The following GPSM2 variants were observed in gnomAD, a reference collection of about 807,000 sequenced individuals.
GPSM2 encodes the protein G protein signaling modulator 2.
In GPSM2, 58 loss-of-function variants were observed where a neutral mutation model predicts 78.4. That is an observed-to-expected ratio of 0.74 (90% confidence interval 0.60 to 0.92). The LOEUF (loss-of-function observed/expected upper bound fraction) is 0.92, where lower values mean the gene tolerates loss of function less well. GPSM2 is among the 40% of genes least tolerant of loss of function. GPSM2 has a pLI of 0.00. For missense variants in GPSM2, 700 were observed against 815.5 expected (o/e 0.86, Z 1.73); for synonymous variants, 224 against 280.2 (o/e 0.80, Z 2.00).
chr1:108,881,227 T>G (rs1327941397), intron 1 of GPSM2, among the ~76,000 whole-genome samples: 4 of 152,208 alleles, frequency 2.6e-5, no homozygotes, highest in Admixed American at 2.6e-4. Flanking sequence ...ATTTTGTTAA[T>G]TTTGAGGTTT....
chr1:108,897,494 C>T lies in GPSM2; in HGVS notation c.281C>T (p.Thr94Ile), dbSNP rs1420697016. The change falls in exon 4 of 15, where the codon ACT (threonine) becomes ATT (isoleucine). Residue 94 changes from threonine (T) to isoleucine (I), a missense_variant and splice_region_variant. By Grantham distance (89) the Thr-to-Ile change is moderately conservative. Transcript: ENST00000264126. Reference protein sequence around the residue: ...YHHHDLTLARTIGDQLGEAKA... With the variant: ...YHHHDLTLARIIGDQLGEAKA... ...TTTTTGTTTTTTGTTTTTTTCAGGA[C>T]TATTGGAGACCAGCTGGGGGAAGCG... 6.2e-7 allele frequency: 1 copy of T among 1,610,628 alleles called. No individual in the cohort carries two copies. Among genetic ancestry groups the T allele is most frequent in the East Asian group, 2.2e-5 (1 of 44,798 alleles).
rs1312323247 is a variant in GPSM2, at chr1:108,934,416, A to C, written c.*4476A>C. 6.5e-6 allele frequency: 3 copies of C among 461,572 alleles called. No homozygotes were observed. The highest frequency in any genetic ancestry group is 1.1e-5 in the Non-Finnish European group (3 of 262,832). 28.6% of individuals were successfully genotyped at this position (461,572 alleles called of 1,614,324 possible). On this transcript the variant is annotated 3_prime_UTR_variant, in exon 15 of 15. Coordinates refer to ENST00000264126, the MANE Select transcript of GPSM2 (RefSeq NM_013296.5). ...AATCAGTGATGCCTGTCATCTGTTC[A>C]TCTTAAAATAAACACTTCTTACTTT...
chr1:108,911,825 A>G (rs1311938026), intron 10 of GPSM2, among the ~76,000 whole-genome samples: 59 of 85,908 alleles, frequency 6.9e-4, no homozygotes, highest in African/African-American at 4.3e-3. Context: ...TTTTTTTTTA[A>G]AGACAGGCTC....
At chr1:108,921,586 A>G (rs1273742225) in intron 12 of GPSM2, among the ~76,000 whole-genome samples, 1 of 152,220 alleles carries the variant, frequency 6.6e-6, no homozygotes, top group Non-Finnish European at 1.5e-5. Flanking sequence ...GATAAAGTCT[A>G]CATTTGTTAG....
At chr1:108,920,015 A>T (rs1557877275) in intron 12 of GPSM2, among the ~76,000 whole-genome samples, 3 of 151,954 alleles carry the variant, frequency 2.0e-5, no homozygotes, top group Non-Finnish European at 2.9e-5. Flanking sequence ...AAAATACAAA[A>T]AATAACCTGG....
At chr1:108,918,497 CCT>C (rs1650449219) in intron 11 of GPSM2, 114 bp from the exon 12 acceptor site, 5 of 755,152 alleles carry the variant, frequency 6.6e-6, no homozygotes, top group Non-Finnish European at 1.1e-5. Flanking sequence ...TAAAATTCTT[CCT>C]CTCTCCCCCA....
intron 2 of GPSM2, among the ~76,000 whole-genome samples, chr1:108,894,959 T>C (rs1262537343): frequency 6.6e-6 from 1 of 152,186 alleles, no homozygotes; most frequent in African/African-American, 2.4e-5. Flanking sequence ...CTTGAAATTT[T>C]GCAGACTGAA....
chr1:108,906,877 C>T (rs1229449594), intron 10 of GPSM2, among the ~76,000 whole-genome samples: 3 of 152,184 alleles, frequency 2.0e-5, no homozygotes, highest in East Asian at 3.9e-4. Flanking sequence ...TAGGCACGAC[C>T]TCCTAGGCTG....
At chr1:108,891,946 C>G (rs954373776) in intron 2 of GPSM2, among the ~76,000 whole-genome samples, 3 of 152,114 alleles carry the variant, frequency 2.0e-5, no homozygotes, top group African/African-American at 7.2e-5. Flanking sequence ...AAATGTAAAT[C>G]AATTGAGCAC....
chr1:108,881,371 C>T (rs2101301020), intron 1 of GPSM2, among the ~76,000 whole-genome samples: 1 of 152,286 alleles, frequency 6.6e-6, no homozygotes, highest in South Asian at 2.1e-4. Flanking sequence ...AAATTATTTT[C>T]CAGTTCTTCG....
At position 108,926,899 on chromosome 1, in the gene GPSM2, G is replaced by A. The variant is rs1485361700; in HGVS notation, c.1815+2685G>A. The A allele has an allele frequency of 4.6e-5, 7 of 152,138 alleles. No homozygotes were observed. The East Asian group carries it at 1.4e-3, about 29-fold the overall frequency. 9.4% of individuals were successfully genotyped at this position (152,138 alleles called of 1,614,324 possible). On this transcript the variant is annotated intron_variant, in intron 14 of 14. Transcript: ENST00000264126. ...GCAATTAGGCAAAAAAAGAAAAAAA[G>A]GCATTCACATTGGAAAGGACAAAGT...
intron 10 of GPSM2, among the ~76,000 whole-genome samples, chr1:108,913,835 C>T (rs1050281364): frequency 2.0e-5 from 3 of 151,986 alleles, no homozygotes; most frequent in East Asian, 1.9e-4. Flanking sequence ...TTTAAGGACT[C>T]GTTTACTTGT....
chr1:108,914,496 G>C (rs1329004298), intron 11 of GPSM2, 88 bp downstream of exon 11: 2 of 998,222 alleles, frequency 2.0e-6, no homozygotes, highest in Non-Finnish European at 3.1e-6. Flanking sequence ...TTTAAATAAG[G>C]CTTGCCCTAT....
intron 10 of GPSM2, among the ~76,000 whole-genome samples, chr1:108,913,245 T>C (rs1649905275): frequency 6.6e-6 from 1 of 152,210 alleles, no homozygotes; most frequent in African/African-American, 2.4e-5. Flanking sequence ...TGCTTGTTCA[T>C]GTACACTGAG....
At chr1:108,908,195 C>T (rs1649398228) in intron 10 of GPSM2, among the ~76,000 whole-genome samples, 1 of 151,440 alleles carries the variant, frequency 6.6e-6, no homozygotes, top group Admixed American at 6.6e-5. Context: ...CGTGGTGAAA[C>T]CCCGTCTCCA....
intron 3 of GPSM2, 26 bp from the exon 4 acceptor site, chr1:108,897,466 T>G (rs773226786): frequency 8.2e-6 from 13 of 1,578,936 alleles, no homozygotes; most frequent in Middle Eastern, 3.3e-4. Context: ...TTTGGTTTTT[T>G]GTTTTTTGTT....
rs563380350 is a variant in GPSM2, at chr1:108,903,289, T to TG, written c.1062+60dup. On this transcript the variant is annotated intron_variant, in intron 9 of 14. Transcript: ENST00000264126. ...CTATTGTAATTTACAAATTAGAGGT[T>TG]GGGGGAGGGAACCCTATTTCTCTAG... 195 of 943,044 alleles carry TG rather than the reference T, an allele frequency of 2.1e-4. 1 individual carries two copies. In the African/African-American group the frequency reaches 2.9e-3, roughly 14 times the overall value. The allele number at this position is 943,044 out of a possible 1,614,324, so 58.4% of individuals were successfully genotyped here.
chr1:108,925,923 G>A (rs1466974877), intron 14 of GPSM2, among the ~76,000 whole-genome samples: 1 of 151,986 alleles, frequency 6.6e-6, no homozygotes, highest in African/African-American at 2.4e-5. Context: ...TGGGGTAACT[G>A]AAGAACACAG....
chr1:108,904,437 T>C (rs559793051), intron 10 of GPSM2, among the ~76,000 whole-genome samples, 183 bp downstream of exon 10: 7 of 148,178 alleles, frequency 4.7e-5, no homozygotes, highest in African/African-American at 1.7e-4. Context: ...TTGTATATAA[T>C]ATATATATAA....
Sources: gnomAD v4.1 joint callset for allele counts (sites outside exome capture counted in the v4.1 genomes callset) on GRCh38, gnomAD v4.1.1 for gene constraint, MANE v1.5 for transcripts, NCBI Gene and HGNC (gene_info 2026-07-23, HGNC 2026-07-21) for gene names.